Variants in CYP7B1 observed in about 807,000 individuals in gnomAD.
CYP7B1 encodes the protein cytochrome P450 family 7 subfamily B member 1.
A neutral mutation model predicts 42.7 loss-of-function variants in CYP7B1; 29 were observed. The observed-to-expected ratio is 0.68, with a 90% CI of 0.51 to 0.93. The LOEUF (loss-of-function observed/expected upper bound fraction) is 0.93. Ranked by LOEUF, CYP7B1 falls within the 40% of genes least tolerant of loss-of-function variation. The pLI, the probability that CYP7B1 is intolerant of heterozygous loss-of-function variation, is 0.00. For missense variants in CYP7B1, 655 were observed against 600.5 expected (o/e 1.09, Z -0.95); for synonymous variants, 235 against 218.2 (o/e 1.08, Z -0.68).
At chr8:64,629,021 T>G (rs1158792013) in intron 1 of CYP7B1, among the ~76,000 whole-genome samples, 1 of 151,714 alleles carries the variant, frequency 6.6e-6, no homozygotes, top group Non-Finnish European at 1.5e-5. Flanking sequence ...ACGTCAAGAG[T>G]TCGAGACCAG....
chr8:64,726,165 C>T (rs1034758449), intron 1 of CYP7B1, among the ~76,000 whole-genome samples: 1 of 151,986 alleles, frequency 6.6e-6, no homozygotes, highest in African/African-American at 2.4e-5. Context: ...TTCTTCTACC[C>T]CTCTGATCTT....
rs1055988648 is a variant in CYP7B1, at chr8:64,658,448, T to C, written c.123-33909A>G. On this transcript the variant is annotated intron_variant, in intron 1 of 5. Coordinates refer to ENST00000310193, the MANE Select transcript of CYP7B1 (RefSeq NM_004820.5). ...TACTTTGAACAGTGCTTGCCTCTTTTTCCTTGTCTTATAACTTATAAATTT... is the reference window on the plus strand; with the variant it reads ...TACTTTGAACAGTGCTTGCCTCTTTCTCCTTGTCTTATAACTTATAAATTT... Among the ~76,000 whole-genome samples, 103 of 152,216 alleles carry C rather than the reference T, an allele frequency of 6.8e-4. 1 individual carries two copies. Among genetic ancestry groups the C allele is most frequent in the Non-Finnish European group, 7.3e-4 (50 of 68,034 alleles).
intron 1 of CYP7B1, among the ~76,000 whole-genome samples, chr8:64,793,646 G>A (rs1804658177): frequency 6.6e-6 from 1 of 151,744 alleles, no homozygotes; most frequent in Non-Finnish European, 1.5e-5. Context: ...TCTATGGGAA[G>A]GACTACCCAT....
chr8:64,748,035 A>T (rs1218928241), intron 1 of CYP7B1, among the ~76,000 whole-genome samples: 2 of 151,520 alleles, frequency 1.3e-5, no homozygotes, highest in African/African-American at 4.9e-5. Flanking sequence ...TCCCACCCAA[A>T]CTCCTCTTCT....
chr8:64,721,056 AC>A (rs1807228001), intron 1 of CYP7B1, among the ~76,000 whole-genome samples: 1 of 151,976 alleles, frequency 6.6e-6, no homozygotes, highest in South Asian at 2.1e-4. Flanking sequence ...AAACATCATC[AC>A]AAATGACAAA....
At chr8:64,596,964 A>G in intron 5 of CYP7B1, 35 bp from the exon 6 acceptor site, 2 of 1,560,792 alleles carry the variant, frequency 1.3e-6, no homozygotes, top group Admixed American at 3.5e-5. Context: ...TTAACATTTT[A>G]TATGAAATAG....
intron 1 of CYP7B1, among the ~76,000 whole-genome samples, chr8:64,699,643 C>A (rs1563396591): frequency 6.6e-6 from 1 of 152,160 alleles, no homozygotes; most frequent in East Asian, 1.9e-4. Flanking sequence ...TATTCTTCTA[C>A]AATCAGTTTT....
intron 1 of CYP7B1, among the ~76,000 whole-genome samples, chr8:64,719,065 C>T (rs1193504944): frequency 6.6e-6 from 1 of 152,122 alleles, no homozygotes; most frequent in African/African-American, 2.4e-5. Flanking sequence ...ACAGTGGATA[C>T]ACAACTGACC....
chr8:64,649,368 G>C (rs1042315630), intron 1 of CYP7B1, among the ~76,000 whole-genome samples: 1 of 152,096 alleles, frequency 6.6e-6, no homozygotes, highest in Non-Finnish European at 1.5e-5. Context: ...TTTCATCTAT[G>C]TTGTTACATA....
chr8:64,680,698 T>C (rs1477738964), intron 1 of CYP7B1, among the ~76,000 whole-genome samples: 1 of 152,186 alleles, frequency 6.6e-6, no homozygotes, highest in African/African-American at 2.4e-5. Context: ...CAGAGGGCAA[T>C]AAAAGGATTC....
Position 64,615,057 on chromosome 8 carries a change from G to A in CYP7B1, c.1026C>T (p.Thr342=), listed in dbSNP as rs1805413740. The change falls in exon 4 of 6, where the codon ACC becomes ACT. Residue 342 remains threonine (T), a synonymous_variant. Coordinates refer to ENST00000310193, the MANE Select transcript of CYP7B1 (RefSeq NM_004820.5). Reference sequence around the variant, plus strand: ...AGATTAGGCTGTCCAATTGTTCTCTGGTGAGGTGGATGGGAAATCCAGACC... The same window carrying A: ...AGATTAGGCTGTCCAATTGTTCTCTAGTGAGGTGGATGGGAAATCCAGACC... The part of the protein sequence containing the change: ...KKGSGFPIHL[T]REQLDSLICL... 1 of 1,613,618 alleles carries A rather than the reference G, an allele frequency of 6.2e-7. No homozygotes were observed. The highest frequency in any genetic ancestry group is 8.5e-7 in the Non-Finnish European group (1 of 1,179,716).
At chr8:64,759,794 T>G (rs566137460) in intron 1 of CYP7B1, among the ~76,000 whole-genome samples, 1 of 152,310 alleles carries the variant, frequency 6.6e-6, no homozygotes, top group Admixed American at 6.5e-5. Context: ...GTCCAGAGAT[T>G]TGAATCCAGC....
intron 1 of CYP7B1, among the ~76,000 whole-genome samples, chr8:64,783,482 G>C (rs1253720584): frequency 6.6e-6 from 1 of 151,544 alleles, no homozygotes; most frequent in South Asian, 2.1e-4. Flanking sequence ...TTGGAGAGGG[G>C]AGTATAATGA....
chr8:64,596,511 T>G lies in CYP7B1; in HGVS notation c.*131A>C, dbSNP rs1585795567. On this transcript the variant is annotated 3_prime_UTR_variant, in exon 6 of 6. Transcript: ENST00000310193. ...TGACTAAGGACAAACTGGACTGATA[T>G]CAGATCAAATAGAAATTAGCGCTTT... 3 of 919,110 alleles carry G rather than the reference T, an allele frequency of 3.3e-6. No individual in the cohort carries two copies. Among genetic ancestry groups the G allele is most frequent in the East Asian group, 5.3e-5 (2 of 37,594 alleles). The allele number at this position is 919,110 out of a possible 1,614,324, so 56.9% of individuals were successfully genotyped here.
At chr8:64,662,776 C>CA (rs141857363) in intron 1 of CYP7B1, among the ~76,000 whole-genome samples, 27 of 150,590 alleles carry the variant, frequency 1.8e-4, no homozygotes, top group Admixed American at 2.6e-4. Flanking sequence ...CTATGGTAGA[C>CA]AAAAAAAAAC....
intron 1 of CYP7B1, among the ~76,000 whole-genome samples, chr8:64,724,464 T>C (rs917162994): frequency 2.6e-5 from 4 of 152,156 alleles, no homozygotes; most frequent in African/African-American, 4.8e-5. Flanking sequence ...TGAATTTTTT[T>C]TCCAAAAGTC....
intron 1 of CYP7B1, among the ~76,000 whole-genome samples, chr8:64,665,803 C>T (rs1390839571): frequency 5.9e-5 from 9 of 151,738 alleles, no homozygotes; most frequent in Admixed American, 4.6e-4. Context: ...CTCGAACTCC[C>T]GACTTCAGGT....
intron 1 of CYP7B1, among the ~76,000 whole-genome samples, chr8:64,677,721 T>G (rs952691042): frequency 2.0e-5 from 3 of 149,180 alleles, no homozygotes; most frequent in Non-Finnish European, 4.5e-5. Flanking sequence ...TTTTTTTTTT[T>G]TTTTTTTTTT....
At chr8:64,773,308 T>C (rs756273668) in intron 1 of CYP7B1, among the ~76,000 whole-genome samples, 1 of 152,238 alleles carries the variant, frequency 6.6e-6, no homozygotes, top group Non-Finnish European at 1.5e-5. Flanking sequence ...TTTCTTCTAA[T>C]GTACACTTGT....
Sources: allele counts gnomAD v4.1 joint callset (sites outside exome capture counted in the v4.1 genomes callset), GRCh38; gene constraint gnomAD v4.1.1; transcripts MANE v1.5; gene names NCBI Gene and HGNC (gene_info 2026-07-23, HGNC 2026-07-21).